The following KLHDC1 variants were observed in gnomAD, a reference collection of about 807,000 sequenced individuals.
KLHDC1 encodes kelch domain-containing protein 1.
A neutral mutation model predicts 68.3 loss-of-function variants in KLHDC1; 53 were observed. That is an observed-to-expected ratio of 0.78 (90% CI 0.62 to 0.98). The LOEUF (loss-of-function observed/expected upper bound fraction) is 0.98. Ranked by LOEUF, KLHDC1 falls within the 50% of genes least tolerant of loss-of-function variation. KLHDC1 has a pLI of 0.00. For missense variants in KLHDC1, 470 were observed against 492.3 expected (o/e 0.95, Z 0.43); for synonymous variants, 148 against 159.0 (o/e 0.93, Z 0.52).
intron 10 of KLHDC1, among the ~76,000 whole-genome samples, chr14:49,734,875 T>C (rs895104907): frequency 2.0e-5 from 3 of 152,136 alleles, no homozygotes; most frequent in Non-Finnish European, 4.4e-5. Context: ...TACTTGCATA[T>C]TTGAAAATGT....
chr14:49,725,917 A>C (rs910635988), intron 6 of KLHDC1, 148 bp downstream of exon 6: 77 of 501,402 alleles, frequency 1.5e-4, no homozygotes, highest in Middle Eastern at 1.1e-3. Flanking sequence ...GCACAATCTC[A>C]GCTCACTGCA....
intron 8 of KLHDC1, among the ~76,000 whole-genome samples, chr14:49,730,110 TGATC>T (rs1213481740): frequency 6.6e-6 from 1 of 152,038 alleles, no homozygotes; most frequent in Non-Finnish European, 1.5e-5. Context: ...ATGAAAAGAC[TGATC>T]GATAAGACTA....
chr14:49,720,881 G>GA (rs1222516918), intron 4 of KLHDC1, among the ~76,000 whole-genome samples: 5 of 152,088 alleles, frequency 3.3e-5, no homozygotes, highest in African/African-American at 1.2e-4. Context: ...TTCCAGGAAG[G>GA]AAATTTTTTT....
At chr14:49,724,472 A>G (rs1045245938) in intron 5 of KLHDC1, among the ~76,000 whole-genome samples, 1 of 152,040 alleles carries the variant, frequency 6.6e-6, no homozygotes, top group African/African-American at 2.4e-5. Flanking sequence ...CATTGATCCT[A>G]CCACCAAGAT....
At chr14:49,723,023 G>A (rs1566608886) in intron 4 of KLHDC1, among the ~76,000 whole-genome samples, 1 of 146,884 alleles carries the variant, frequency 6.8e-6, no homozygotes, top group Non-Finnish European at 1.5e-5. Flanking sequence ...GGAGGCGGAG[G>A]TTGCCTTGAG....
At chr14:49,694,444 C>A (rs977205523) in intron 1 of KLHDC1, among the ~76,000 whole-genome samples, 1 of 151,976 alleles carries the variant, frequency 6.6e-6, no homozygotes, top group African/African-American at 2.4e-5. Flanking sequence ...CAGAATACTT[C>A]GTATGACTGC....
At chr14:49,751,465 A>T in intron 12 of KLHDC1, 121 bp from the exon 13 acceptor site, 1 of 474,828 alleles carries the variant, frequency 2.1e-6, no homozygotes, top group Non-Finnish European at 3.5e-6. Context: ...ATTAAAAATT[A>T]AAAAAAGATC....
intron 6 of KLHDC1, among the ~76,000 whole-genome samples, chr14:49,726,394 C>T (rs1191479057): frequency 6.6e-6 from 1 of 152,024 alleles, no homozygotes; most frequent in Non-Finnish European, 1.5e-5. Context: ...ATAGTGAAAC[C>T]CTGTCTCTCA....
intron 1 of KLHDC1, among the ~76,000 whole-genome samples, chr14:49,706,549 A>G (rs978970293): frequency 1.3e-5 from 2 of 152,066 alleles, no homozygotes; most frequent in Non-Finnish European, 2.9e-5. Flanking sequence ...TTTTAAAGAA[A>G]CCTCCAAACT....
chr14:49,699,370 G>A (rs1046992386), intron 1 of KLHDC1, among the ~76,000 whole-genome samples: 1 of 150,658 alleles, frequency 6.6e-6, no homozygotes, highest in Non-Finnish European at 1.5e-5. Flanking sequence ...ATAAGTGGAA[G>A]GAAAGGGAGA....
intron 11 of KLHDC1, among the ~76,000 whole-genome samples, chr14:49,743,305 C>G (rs1199391124): frequency 6.8e-6 from 1 of 146,670 alleles, no homozygotes; most frequent in East Asian, 2.0e-4. Context: ...GAGGCTGAGG[C>G]AAGAGAATCG....
intron 1 of KLHDC1, among the ~76,000 whole-genome samples, chr14:49,701,923 C>G (rs1887918391): frequency 6.6e-6 from 1 of 152,044 alleles, no homozygotes; most frequent in South Asian, 2.1e-4. Context: ...AATCCCAGCA[C>G]TTTGGGAGGC....
In KLHDC1 at chr14:49,740,137, A is replaced by G. The variant is rs1409847564; in HGVS notation, c.936A>G (p.Ile312Met). The G allele has an allele frequency of 1.2e-6, 2 of 1,612,034 alleles. No individual in the cohort carries two copies. Among genetic ancestry groups the G allele is most frequent in the Non-Finnish European group, 1.7e-6 (2 of 1,178,578 alleles). The change falls in exon 11 of 13, where the codon ATA becomes ATG. Residue 312 changes from isoleucine (I) to methionine (M), a missense_variant. By Grantham distance (10) the Ile-to-Met change is conservative. Transcript: ENST00000359332. ...HTACLGKENE[I>M]MVFGGSKDDL... ...CCTGTTTGGGAAAAGAAAATGAAAT[A>G]ATGGTATTTGGTGGGAGCAAAGATG...
chr14:49,728,289 C>G (rs1314839182), intron 6 of KLHDC1, among the ~76,000 whole-genome samples: 1 of 152,228 alleles, frequency 6.6e-6, no homozygotes. Flanking sequence ...TGCCATTGCA[C>G]TCAAGCCTTG....
At chr14:49,694,833 G>A (rs1887686724) in intron 1 of KLHDC1, among the ~76,000 whole-genome samples, 1 of 152,174 alleles carries the variant, frequency 6.6e-6, no homozygotes, top group South Asian at 2.1e-4. Flanking sequence ...CAGCCTGGGC[G>A]ACAGAGCGAG....
chr14:49,729,625 G>T, intron 8 of KLHDC1, 77 bp downstream of exon 8: 1 of 946,316 alleles, frequency 1.1e-6, no homozygotes. Flanking sequence ...CCAAATGTGA[G>T]TCTTTAAAAC....
chr14:49,704,907 C>T (rs1888007685), intron 1 of KLHDC1, among the ~76,000 whole-genome samples: 1 of 151,990 alleles, frequency 6.6e-6, no homozygotes, highest in South Asian at 2.1e-4. Context: ...GCTCTGGGAG[C>T]GTAACAAGAT....
intron 12 of KLHDC1, chr14:49,750,915 G>A (rs2139773917): frequency 6.6e-6 from 1 of 152,158 alleles, no homozygotes; most frequent in Non-Finnish European, 1.5e-5. Context: ...TGCTCTCTCT[G>A]GGTCAAATAA....
At chr14:49,742,872 C>G (rs1157060503) in intron 11 of KLHDC1, among the ~76,000 whole-genome samples, 2 of 151,804 alleles carry the variant, frequency 1.3e-5, no homozygotes, top group African/African-American at 4.8e-5. Flanking sequence ...ACTGCTTGAG[C>G]TCAGGAGTTT....
Sources: allele counts gnomAD v4.1 joint callset (sites outside exome capture counted in the v4.1 genomes callset), GRCh38; gene constraint gnomAD v4.1.1; transcripts MANE v1.5; gene names NCBI Gene and HGNC (gene_info 2026-07-23, HGNC 2026-07-21).